Variants in EPS8L2 observed in about 807,000 individuals in gnomAD.
EPS8L2 encodes epidermal growth factor receptor kinase substrate 8-like protein 2.
EPS8L2 carries 81 observed loss-of-function variants against 99.4 expected under a neutral mutation model. The observed-to-expected ratio is 0.82, with a 90% CI of 0.68 to 0.98. The LOEUF (loss-of-function observed/expected upper bound fraction) is 0.98. Among genes scored for constraint, EPS8L2 ranks in the 50% least tolerant of loss-of-function variants. EPS8L2 has a pLI of 0.00. For missense variants in EPS8L2, 1,155 were observed against 968.8 expected, an observed-to-expected ratio of 1.19 and a Z score of -2.55; for synonymous variants, 509 against 407.3, an observed-to-expected ratio of 1.25 and a Z score of -3.01.
Position 721,146 on chromosome 11 carries a change from G to GC in EPS8L2, c.640_641insC (p.Gly214AlafsTer98). ...GGCGCCCATCCCCTTCCAGCACCGC[G>GC]GCGGGGATTCCCCGGAGGCCAAGAA... On this transcript the variant is annotated frameshift_variant, in exon 8 of 21. Transcript: ENST00000318562. LOFTEE classifies it high-confidence loss of function. The GC allele has an allele frequency of 6.5e-7, 1 of 1,536,416 alleles. No homozygotes were observed. The highest frequency in any genetic ancestry group is 8.7e-7 in the Non-Finnish European group (1 of 1,143,856).
At position 711,485 on chromosome 11, in the gene EPS8L2, A is replaced by C. The variant is rs529069372; in HGVS notation, c.165+999A>C. 1.3e-3 allele frequency among the ~76,000 whole-genome samples: 200 copies of C among 152,082 alleles called. 6 individuals carry two copies. Among genetic ancestry groups the C allele is most frequent in the Admixed American group, 0.013 (196 of 15,276 alleles). Reference sequence around the variant, plus strand: ...CTCAGCCTCCCCAGTAGCTGGGCCTACAGGCTGGCCCCACCATGCCCATCT... The same window carrying C: ...CTCAGCCTCCCCAGTAGCTGGGCCTCCAGGCTGGCCCCACCATGCCCATCT... On this transcript the variant is annotated intron_variant, in intron 4 of 20. Transcript: ENST00000318562.
chr11:720,370 T>G (rs1214365973), intron 5 of EPS8L2, 147 bp downstream of exon 5: 2 of 1,121,506 alleles, frequency 1.8e-6, no homozygotes, highest in Non-Finnish European at 2.5e-6. Flanking sequence ...GGGACAAGGG[T>G]GGGCAGAGGG....
Position 722,507 on chromosome 11 carries a change from T to C in EPS8L2, c.1166T>C (p.Met389Thr). 1 of 1,613,342 alleles carries C rather than the reference T, an allele frequency of 6.2e-7. No homozygotes were observed. Among genetic ancestry groups the C allele is most frequent in the Non-Finnish European group, 8.5e-7 (1 of 1,179,902 alleles). The change falls in exon 13 of 21, where the codon ATG becomes ACG. Residue 389 changes from methionine to threonine, a missense_variant. Physicochemically the swap from Met to Thr is moderately conservative, Grantham distance 81 (BLOSUM62 -1). Coordinates refer to ENST00000318562, the MANE Select transcript of EPS8L2 (RefSeq NM_022772.4). ...FLRGHLVPKE[M>T]SLWESLGESW... ...CGCGGCCACCTGGTCCCTAAGGAGA[T>C]GTCGCTGTGGGAGTCACTGGGAGAG... is the stretch of plus-strand genomic sequence containing the variant.
intron 4 of EPS8L2, among the ~76,000 whole-genome samples, chr11:711,261 CGTGCGTGCGTGT>C (rs1564970077): frequency 8.3e-6 from 1 of 120,764 alleles, no homozygotes; most frequent in Non-Finnish European, 1.9e-5. Flanking sequence ...TGCGTGTGTG[CGTGCGTGCGTGT>C]GTGTGTGTGT....
chr11:725,641 C>T (rs1436871134), intron 16 of EPS8L2, 87 bp from the exon 17 acceptor site: 2 of 1,240,166 alleles, frequency 1.6e-6, no homozygotes, highest in Non-Finnish European at 2.0e-6. Flanking sequence ...CCCTAGGGCG[C>T]TCCCGACCTC....
chr11:726,523 G>C (rs925566595), intron 19 of EPS8L2, 39 bp downstream of exon 19: 15 of 1,517,652 alleles, frequency 9.9e-6, no homozygotes, highest in Non-Finnish European at 1.3e-5. Context: ...CCCGGGCGAG[G>C]GGTGGGAGGT....
rs1417082451 is a variant in EPS8L2, at chr11:710,492, G to A, written c.165+6G>A. ...CCTCGCAGTACCACGTCCAGGTAAG[G>A]CCCCGCCCCCAGGTAGGCTCCGCCC... On this transcript the variant is annotated splice_donor_region_variant and intron_variant, in intron 4 of 20. Coordinates refer to ENST00000318562, the MANE Select transcript of EPS8L2 (RefSeq NM_022772.4). 1 of 1,613,294 alleles carries A rather than the reference G, an allele frequency of 6.2e-7. No individual in the cohort carries two copies. The highest frequency in any genetic ancestry group is 1.3e-5 in the African/African-American group (1 of 74,932).
chr11:720,402 G>C (rs1381154059), intron 5 of EPS8L2, 179 bp downstream of exon 5: 2 of 1,096,652 alleles, frequency 1.8e-6, no homozygotes, highest in Non-Finnish European at 2.6e-6. Flanking sequence ...TGAGAGTCCA[G>C]GGAAGTTTGG....
At position 716,867 on chromosome 11, in the gene EPS8L2, C is replaced by G. The variant is rs141611515; in HGVS notation, c.166-3195C>G. ...TACTGAGACTTGTTCTGTGGCCCAG[C>G]AGCCTGGTTTTTCTTGTTTGGTTGT... On this transcript the variant is annotated intron_variant, in intron 4 of 20. Coordinates refer to ENST00000318562, the MANE Select transcript of EPS8L2 (RefSeq NM_022772.4). Among the ~76,000 whole-genome samples the G allele has an allele frequency of 2.0e-4, 30 of 152,326 alleles. No individual in the cohort carries two copies. In the East Asian group the frequency reaches 5.8e-3, roughly 29 times the overall value.
chr11:722,062 G>C (rs376680502), intron 11 of EPS8L2, 29 bp from the exon 12 acceptor site: 2 of 1,602,702 alleles, frequency 1.2e-6, no homozygotes, highest in East Asian at 2.2e-5. Context: ...GCCCCGCCCC[G>C]GCACCTGCTC....
At position 720,874 on chromosome 11, in the gene EPS8L2, C is replaced by T. The variant is rs1862139578; in HGVS notation, c.522C>T (p.Cys174=). The T allele has an allele frequency of 1.3e-6, 2 of 1,490,822 alleles. No individual in the cohort carries two copies. The highest frequency in any genetic ancestry group is 1.8e-6 in the Non-Finnish European group (2 of 1,118,908). The allele number at this position is 1,490,822 out of a possible 1,614,324, so 92.3% of individuals were successfully genotyped here. A position where few individuals can be genotyped will look rare whatever the true frequency, so the allele number is the denominator to read the frequency against. The change falls in exon 7 of 21, where the codon TGC becomes TGT. Residue 174 remains cysteine (C), a synonymous_variant. Transcript: ENST00000318562. The part of the protein sequence containing the change: ...HEDIESALAD[C]RLGKKMRPQT... ...ACATCGAGAGCGCGTTGGCCGACTGCCGGCTGGGCAAGAAGATGCGGCCGC... is the reference window on the plus strand; with the variant it reads ...ACATCGAGAGCGCGTTGGCCGACTGTCGGCTGGGCAAGAAGATGCGGCCGC...
At chr11:723,109 C>T (rs904708317) in intron 14 of EPS8L2, 132 bp from the exon 15 acceptor site, 29 of 601,648 alleles carry the variant, frequency 4.8e-5, no homozygotes, top group African/African-American at 2.4e-4. Flanking sequence ...CTGGCATCAC[C>T]GGGCATCAGG....
At chr11:711,519 TA>T (rs1332606139) in intron 4 of EPS8L2, among the ~76,000 whole-genome samples, 43 of 152,162 alleles carry the variant, frequency 2.8e-4, no homozygotes, top group African/African-American at 9.9e-4. Context: ...CTAATTATTT[TA>T]TTTTTTTGTG....
At chr11:706,783 G>T in intron 1 of EPS8L2, 1 of 152,908 alleles carries the variant, frequency 6.5e-6, no homozygotes, top group Non-Finnish European at 1.5e-5. Context: ...GAAACCAGTG[G>T]CCGGGAAGCA....
chr11:727,221 G>A lies in EPS8L2; in HGVS notation c.*240G>A, dbSNP rs1862355055. The A allele has an allele frequency of 4.5e-6, 2 of 448,488 alleles. No homozygotes were observed. The highest frequency in any genetic ancestry group is 5.5e-5 in the South Asian group (2 of 36,644). 27.8% of individuals were successfully genotyped at this position (448,488 alleles called of 1,614,324 possible). A position where few individuals can be genotyped will look rare whatever the true frequency, so the allele number is the denominator to read the frequency against. ...TGCTGCTTGGTGGTGCCAGCCCCTT[G>A]TCCACCTTCTCTTGAGGCCACAGAA... On this transcript the variant is annotated 3_prime_UTR_variant, in exon 21 of 21. Transcript: ENST00000318562.
intron 4 of EPS8L2, 135 bp from the exon 5 acceptor site, chr11:719,927 C>CG: frequency 1.4e-6 from 1 of 735,766 alleles, no homozygotes. Flanking sequence ...CCACCAAAGG[C>CG]GGGGCCGGTC....
chr11:720,985 G>GGGGAGGGGAGGAGCCGGCAGGGGA, intron 7 of EPS8L2, 76 bp downstream of exon 7: 2 of 1,371,644 alleles, frequency 1.5e-6, no homozygotes, highest in East Asian at 2.5e-5. Flanking sequence ...GGAGCCGGCA[G>GGGGAGGGGAGGAGCCGGCAGGGGA]GGGAGGGGAG....
chr11:723,430 G>A (rs1040423401), intron 15 of EPS8L2, 77 bp downstream of exon 15: 1 of 583,240 alleles, frequency 1.7e-6, no homozygotes, highest in Non-Finnish European at 2.9e-6. Context: ...ATATGGGTAC[G>A]CTGCCACCAG....
intron 5 of EPS8L2, 152 bp downstream of exon 5, chr11:720,375 A>C: frequency 9.0e-7 from 1 of 1,109,680 alleles, no homozygotes; most frequent in Non-Finnish European, 1.3e-6. Context: ...AAGGGTGGGC[A>C]GAGGGCCGCA....
Sources: gnomAD v4.1 joint callset for allele counts (sites outside exome capture counted in the v4.1 genomes callset) on GRCh38, gnomAD v4.1.1 for gene constraint, MANE v1.5 for transcripts, NCBI Gene and HGNC (gene_info 2026-07-23, HGNC 2026-07-21) for gene names.